ADAMTSL1: variants seen among roughly 807,000 people sequenced by gnomAD.
ADAMTSL1 encodes the protein ADAMTS like 1.
In ADAMTSL1, 126 loss-of-function variants were observed where a neutral mutation model predicts 201.8. The ratio of observed to expected loss-of-function variants is 0.62; its 90% CI spans 0.54 to 0.72. The LOEUF (loss-of-function observed/expected upper bound fraction) is 0.72. Among genes scored for constraint, ADAMTSL1 ranks in the 30% least tolerant of loss-of-function variants. The pLI, the probability that ADAMTSL1 is intolerant of heterozygous loss-of-function variation, is 0.00. For synonymous variants in ADAMTSL1, 1,121 were observed against 903.4 expected, an observed-to-expected ratio of 1.24 and a Z score of -4.32; for missense variants, 2,679 against 2,277.8, an observed-to-expected ratio of 1.18 and a Z score of -3.59.
At chr9:18,430,925 C>T (rs1393510030) in intron 2 of ADAMTSL1, among the ~76,000 whole-genome samples, 2 of 152,138 alleles carry the variant, frequency 1.3e-5, no homozygotes, top group Admixed American at 6.5e-5. Context: ...TCTGTACAGA[C>T]ATAAAACAGG....
chr9:18,075,198 TA>T (rs1344345529), intron 1 of ADAMTSL1, among the ~76,000 whole-genome samples: 2 of 152,174 alleles, frequency 1.3e-5, no homozygotes, highest in Non-Finnish European at 2.9e-5. Context: ...ACTATAATGG[TA>T]ATTGAAATTT....
At chr9:17,975,906 A>G (rs771859976) in intron 1 of ADAMTSL1, among the ~76,000 whole-genome samples, 1 of 152,020 alleles carries the variant, frequency 6.6e-6, no homozygotes, top group Non-Finnish European at 1.5e-5. Flanking sequence ...TGTTTGGGTA[A>G]GATAAAGGTC....
At chr9:18,099,336 T>TAC in intron 1 of ADAMTSL1, among the ~76,000 whole-genome samples, 1 of 44,296 alleles carries the variant, frequency 2.3e-5, no homozygotes, top group East Asian at 3.8e-4. Flanking sequence ...AATATATATA[T>TAC]ATATATATAT....
In ADAMTSL1 at chr9:18,908,931, T is replaced by C. The variant is rs1288689700; in HGVS notation, c.*383T>C. 2.8e-5 allele frequency: 5 copies of C among 176,936 alleles called. No homozygotes were observed. Among genetic ancestry groups the C allele is most frequent in the Non-Finnish European group, 4.8e-5 (4 of 82,928 alleles). The allele number at this position is 176,936 out of a possible 1,614,324, so 11.0% of individuals were successfully genotyped here. A position where few individuals can be genotyped will look rare whatever the true frequency, so the allele number is the denominator to read the frequency against. ...GTTTGTAGCCTATTGGTGCAAACATTGGACAAATTCCTGTGTCTTTCCTAG... is the reference window on the plus strand; with the variant it reads ...GTTTGTAGCCTATTGGTGCAAACATCGGACAAATTCCTGTGTCTTTCCTAG... On this transcript the variant is annotated 3_prime_UTR_variant, in exon 29 of 29. Coordinates refer to ENST00000380548, the MANE Select transcript of ADAMTSL1 (RefSeq NM_001040272.6).
At chr9:18,439,582 GTC>G (rs1367055379) in intron 2 of ADAMTSL1, among the ~76,000 whole-genome samples, 2 of 152,144 alleles carry the variant, frequency 1.3e-5, no homozygotes, top group African/African-American at 4.8e-5. Flanking sequence ...CGCCAGGATG[GTC>G]TCGATCTCCT....
intron 2 of ADAMTSL1, among the ~76,000 whole-genome samples, chr9:18,189,653 A>C (rs1828887930): frequency 6.6e-6 from 1 of 152,178 alleles, no homozygotes; most frequent in African/African-American, 2.4e-5. Context: ...AGCTCCCTGC[A>C]ACTGTATAGG....
At chr9:18,180,344 T>C (rs1828401367) in intron 2 of ADAMTSL1, among the ~76,000 whole-genome samples, 2 of 151,832 alleles carry the variant, frequency 1.3e-5, no homozygotes, top group South Asian at 4.2e-4. Flanking sequence ...CCATCCCGGC[T>C]AAAACGGTGA....
At chr9:18,421,675 A>G (rs1173235685) in intron 2 of ADAMTSL1, among the ~76,000 whole-genome samples, 2 of 152,234 alleles carry the variant, frequency 1.3e-5, no homozygotes, top group Admixed American at 1.3e-4. Context: ...ACCGGGAAAC[A>G]TAGCTGTAGC....
intron 20 of ADAMTSL1, among the ~76,000 whole-genome samples, chr9:18,797,810 G>A (rs1050386552): frequency 6.6e-6 from 1 of 152,188 alleles, no homozygotes; most frequent in Non-Finnish European, 1.5e-5. Flanking sequence ...CCCAATGCCA[G>A]GCACATTGTT....
intron 2 of ADAMTSL1, among the ~76,000 whole-genome samples, chr9:18,423,394 C>T (rs955351525): frequency 5.3e-5 from 8 of 152,268 alleles, no homozygotes; most frequent in African/African-American, 1.9e-4. Flanking sequence ...GTCTCTGGTC[C>T]AACTGATTCC....
At chr9:18,500,204 T>C (rs1822761483) in intron 1 of ADAMTSL1, among the ~76,000 whole-genome samples, 1 of 152,244 alleles carries the variant, frequency 6.6e-6, no homozygotes, top group Admixed American at 6.5e-5. Flanking sequence ...GCTGTTCACC[T>C]GAGACTTTGT....
rs564891778 is a variant in ADAMTSL1, at chr9:18,038,378, C to T, written c.88-125484C>T. ...AAAATCAAAACCAAAACTATTCCTG[C>T]CAGCAAGTCAATTAATTAAGAAATC... On this transcript the variant is annotated intron_variant, in intron 1 of 29. Transcript: ENST00000680146. 2.2e-3 allele frequency among the ~76,000 whole-genome samples: 339 copies of T among 152,204 alleles called. 1 individual carries two copies. The highest frequency in any genetic ancestry group is 0.019 in the South Asian group (91 of 4,832).
At chr9:18,574,490 A>G (rs1199782623) in intron 4 of ADAMTSL1, 5 of 595,696 alleles carry the variant, frequency 8.4e-6, no homozygotes, top group Admixed American at 3.0e-5. Context: ...CTTGAGTGTC[A>G]CTTGAATATA....
intron 3 of ADAMTSL1, among the ~76,000 whole-genome samples, chr9:18,539,947 T>C (rs1820025052): frequency 6.6e-6 from 1 of 152,140 alleles, no homozygotes; most frequent in South Asian, 2.1e-4. Context: ...CAGACATTAA[T>C]GGTGCTGTAA....
chr9:18,359,838 C>A (rs1244791232), intron 2 of ADAMTSL1, among the ~76,000 whole-genome samples: 2 of 127,776 alleles, frequency 1.6e-5, no homozygotes, highest in Non-Finnish European at 3.4e-5. Flanking sequence ...CCCCCCCGCC[C>A]ACACAAAATG....
At chr9:18,117,781 C>G (rs1182262373) in intron 1 of ADAMTSL1, among the ~76,000 whole-genome samples, 1 of 152,068 alleles carries the variant, frequency 6.6e-6, no homozygotes, top group Non-Finnish European at 1.5e-5. Context: ...AATAAATACT[C>G]AATATTTATT....
chr9:18,846,506 G>A (rs1826124117), intron 23 of ADAMTSL1, among the ~76,000 whole-genome samples: 1 of 152,202 alleles, frequency 6.6e-6, no homozygotes, highest in African/African-American at 2.4e-5. Flanking sequence ...CAAGGTTAAA[G>A]AGGGAGGTGG....
chr9:18,334,180 G>T (rs1162840295), intron 2 of ADAMTSL1, among the ~76,000 whole-genome samples: 1 of 152,100 alleles, frequency 6.6e-6, no homozygotes, highest in African/African-American at 2.4e-5. Context: ...AATATGGAAA[G>T]GGAGAAGTGT....
intron 3 of ADAMTSL1, among the ~76,000 whole-genome samples, chr9:18,535,220 C>A (rs1450699880): frequency 6.6e-6 from 1 of 152,224 alleles, no homozygotes; most frequent in Non-Finnish European, 1.5e-5. Context: ...TTACACAGAT[C>A]TCTAGGGAAG....
Sources: gnomAD v4.1 joint callset for allele counts (sites outside exome capture counted in the v4.1 genomes callset) on GRCh38, gnomAD v4.1.1 for gene constraint, MANE v1.5 for transcripts, NCBI Gene and HGNC (gene_info 2026-07-23, HGNC 2026-07-21) for gene names.